DDX60: variants seen among roughly 807,000 people sequenced by gnomAD.
The protein encoded by DDX60 is probable ATP-dependent RNA helicase DDX60.
Under a neutral mutation model 212.8 loss-of-function variants are expected in DDX60, and 165 were observed. The ratio of observed to expected loss-of-function variants is 0.78; its 90% CI spans 0.68 to 0.88. The LOEUF (loss-of-function observed/expected upper bound fraction) is 0.88, where lower values mean the gene tolerates loss of function less well. Ranked by LOEUF, DDX60 falls within the 40% of genes least tolerant of loss-of-function variation. The probability of loss-of-function intolerance (pLI) is 0.00; values close to 1 mark genes in which losing one functional copy is unlikely to be tolerated. For synonymous variants in DDX60, 703 were observed against 685.3 expected (o/e 1.03, Z -0.40); for missense variants, 1,905 against 2,003.9 (o/e 0.95, Z 0.94).
intron 18 of DDX60, among the ~76,000 whole-genome samples, chr4:168,272,389 C>T (rs746444621): frequency 6.6e-6 from 1 of 152,182 alleles, no homozygotes; most frequent in Non-Finnish European, 1.5e-5. Flanking sequence ...TGTTTATGAA[C>T]ATTCAGGGTT....
rs367825763 is a variant in DDX60, at chr4:168,237,382, C to T, written c.4315G>A (p.Val1439Ile). The change falls in exon 32 of 38, where the codon GTA becomes ATA. Residue 1439 changes from valine to isoleucine, a missense_variant. Physicochemically the swap from Val to Ile is conservative, Grantham distance 29. Coordinates refer to ENST00000393743, the MANE Select transcript of DDX60 (RefSeq NM_017631.6). The stretch of plus-strand genomic sequence containing the variant: ...GGTTCATGATAATGCAAATGTGATA[C>T]AAGTCCAGCAAACCCCATAGGATTA... Reference protein sequence around the residue: ...EGNPMGFAGLVSHLHYHEPSN... With the variant: ...EGNPMGFAGLISHLHYHEPSN... The T allele has an allele frequency of 1.9e-6, 3 of 1,597,344 alleles. No individual in the cohort carries two copies. Among genetic ancestry groups the T allele is most frequent in the African/African-American group, 2.7e-5 (2 of 74,442 alleles).
intron 5 of DDX60, among the ~76,000 whole-genome samples, chr4:168,304,058 C>T (rs1736769523): frequency 6.6e-6 from 1 of 152,182 alleles, no homozygotes; most frequent in Middle Eastern, 3.2e-3. Flanking sequence ...ATAAAAATGA[C>T]TGCTACTGAC....
Position 168,311,373 on chromosome 4 carries a change from A to T in DDX60, c.-106-8T>A. The T allele has an allele frequency of 9.3e-7, 1 of 1,073,458 alleles. No individual in the cohort carries two copies. Among genetic ancestry groups the T allele is most frequent in the East Asian group, 2.4e-5 (1 of 40,998 alleles). The allele number at this position is 1,073,458 out of a possible 1,614,324, so 66.5% of individuals were successfully genotyped here. A position where few individuals can be genotyped will look rare whatever the true frequency, so the allele number is the denominator to read the frequency against. ...TTAATGAAAATGGCAGTCCTGCAAA[A>T]AAAGAAAAGAAAATGAGTCTTTATT... On this transcript the variant is annotated splice_polypyrimidine_tract_variant and splice_region_variant and intron_variant, in intron 1 of 37. Coordinates refer to ENST00000393743, the MANE Select transcript of DDX60 (RefSeq NM_017631.6).
At chr4:168,302,818 A>C (rs989090937) in intron 5 of DDX60, among the ~76,000 whole-genome samples, 1 of 152,176 alleles carries the variant, frequency 6.6e-6, no homozygotes, top group Admixed American at 6.5e-5. Flanking sequence ...AATTTCAAAC[A>C]TACACATGAA....
intron 26 of DDX60, 60 bp from the exon 27 acceptor site, chr4:168,252,716 T>G (rs1434157229): frequency 4.2e-6 from 6 of 1,423,864 alleles, no homozygotes; most frequent in Non-Finnish European, 5.7e-6. Context: ...AAGTAATTAA[T>G]TTGATTTGGC....
chr4:168,246,378 G>A, intron 30 of DDX60, 40 bp downstream of exon 30: 1 of 1,611,328 alleles, frequency 6.2e-7, no homozygotes, highest in Non-Finnish European at 8.5e-7. Flanking sequence ...AGTCAGGCCA[G>A]TGATGAAGAC....
chr4:168,273,482 T>G, intron 17 of DDX60, 84 bp from the exon 18 acceptor site: 1 of 1,543,156 alleles, frequency 6.5e-7, no homozygotes, highest in African/African-American at 1.4e-5. Flanking sequence ...TCTAAAAGTG[T>G]GTCCTGCTTT....
intron 2 of DDX60, 46 bp from the exon 3 acceptor site, chr4:168,311,113 T>C: frequency 3.5e-6 from 5 of 1,426,766 alleles, no homozygotes; most frequent in African/African-American, 1.4e-5. Context: ...TATTTTTCAA[T>C]TGGTCCTTTT....
intron 26 of DDX60, among the ~76,000 whole-genome samples, chr4:168,254,046 T>C (rs1734317603): frequency 6.6e-6 from 1 of 152,242 alleles, no homozygotes; most frequent in Non-Finnish European, 1.5e-5. Context: ...GGCCCTAAAA[T>C]TTGCAGAGCA....
chr4:168,308,156 A>C lies in DDX60; in HGVS notation c.114T>G (p.Phe38Leu). ...SLFNDFVESE[F>L]FLIDGDSLLI... ...GTAATGAATCCCCATCAATCAAAAA[A>C]AATTCAGATTCAACAAAATCATTGA... Residue 38 changes from phenylalanine to leucine, a missense_variant, in exon 4 of 38, where the codon TTT (phenylalanine) becomes TTG (leucine). By Grantham distance (22) the Phe-to-Leu change is conservative. Coordinates refer to ENST00000393743, the MANE Select transcript of DDX60 (RefSeq NM_017631.6). The C allele has an allele frequency of 1.3e-6, 2 of 1,590,282 alleles. No individual in the cohort carries two copies. Among genetic ancestry groups the C allele is most frequent in the East Asian group, 2.3e-5 (1 of 44,434 alleles).
chr4:168,287,339 G>T, intron 9 of DDX60, 136 bp from the exon 10 acceptor site: 1 of 720,426 alleles, frequency 1.4e-6, no homozygotes, highest in Admixed American at 3.1e-5. Context: ...GTTCCACACT[G>T]GACATAAATG....
chr4:168,264,575 C>T (rs983164721), intron 22 of DDX60, among the ~76,000 whole-genome samples: 3 of 152,042 alleles, frequency 2.0e-5, no homozygotes, highest in Non-Finnish European at 2.9e-5. Context: ...TTTCTTAAGT[C>T]TCTTAGCCTT....
chr4:168,218,636 G>A (rs897639369), intron 37 of DDX60, among the ~76,000 whole-genome samples: 2 of 152,032 alleles, frequency 1.3e-5, no homozygotes, highest in African/African-American at 2.4e-5. Flanking sequence ...TTAACATAAA[G>A]ACCTTTCCTG....
chr4:168,302,810 T>C (rs957104810), intron 5 of DDX60, among the ~76,000 whole-genome samples: 4 of 152,166 alleles, frequency 2.6e-5, no homozygotes, highest in Non-Finnish European at 5.9e-5. Flanking sequence ...TTTTAACAAA[T>C]TTCAAACATA....
chr4:168,300,582 G>A (rs1736606414), intron 6 of DDX60, among the ~76,000 whole-genome samples: 3 of 143,994 alleles, frequency 2.1e-5, no homozygotes, highest in South Asian at 4.4e-4. Flanking sequence ...ACACCAGAAT[G>A]TGTGTGTGTG....
At chr4:168,318,810 C>T (rs1035640634), upstream of DDX60, 1 of 152,282 alleles carries the variant, frequency 6.6e-6, no homozygotes, top group East Asian at 1.9e-4. Flanking sequence ...GGTTTCCTTT[C>T]TCCTCTCAGA....
At chr4:168,238,389 G>T (rs1246938609) in intron 30 of DDX60, among the ~76,000 whole-genome samples, 3 of 120,608 alleles carry the variant, frequency 2.5e-5, no homozygotes, top group African/African-American at 9.4e-5. Flanking sequence ...ATAAGGAAGG[G>T]AAGGGAAAGG....
Position 168,219,614 on chromosome 4 carries a change from T to C in DDX60, c.5039+1041A>G, listed in dbSNP as rs138412593. Among the ~76,000 whole-genome samples, 900 of 152,230 alleles carry C rather than the reference T, an allele frequency of 5.9e-3. 6 individuals carry two copies. The highest frequency in any genetic ancestry group is 0.021 in the African/African-American group (870 of 41,532). ...GCCGATTCTGCTCAGATCCAAGATA[T>C]AAAAAGAGACTTGATTAGCAAGAAC... On this transcript the variant is annotated intron_variant, in intron 37 of 37. Transcript: ENST00000393743.
chr4:168,298,551 T>C (rs77896895), intron 6 of DDX60, among the ~76,000 whole-genome samples: 2,604 of 152,206 alleles, frequency 0.017, 124 homozygotes, highest in East Asian at 0.14. Flanking sequence ...ATAATCCTTA[T>C]GAAAAATTAT....
Sources: allele counts gnomAD v4.1 joint callset (sites outside exome capture counted in the v4.1 genomes callset), GRCh38; gene constraint gnomAD v4.1.1; transcripts MANE v1.5; gene names NCBI Gene and HGNC (gene_info 2026-07-23, HGNC 2026-07-21).